Variants in AOPEP observed in about 807,000 individuals in gnomAD.
The protein encoded by AOPEP is aminopeptidase O (putative).
A neutral mutation model predicts 98.1 loss-of-function variants in AOPEP; 77 were observed. That is an observed-to-expected ratio of 0.78 (90% confidence interval 0.65 to 0.95). The LOEUF is 0.95. Ranked by LOEUF, AOPEP falls within the 40% of genes least tolerant of loss-of-function variation. AOPEP has a pLI of 0.00. For synonymous variants in AOPEP, 346 were observed against 365.3 expected, an observed-to-expected ratio of 0.95 and a Z score of 0.60; for missense variants, 1,024 against 1,024.7, an observed-to-expected ratio of 1.00 and a Z score of 0.01.
At chr9:94,963,194 T>C (rs2058971528) in intron 9 of AOPEP, among the ~76,000 whole-genome samples, 2 of 152,058 alleles carry the variant, frequency 1.3e-5, no homozygotes, top group African/African-American at 4.8e-5. Context: ...TCCCACCCCT[T>C]CCCCATGAAC....
chr9:94,829,178 C>G (rs868729480), intron 5 of AOPEP, among the ~76,000 whole-genome samples: 4 of 151,884 alleles, frequency 2.6e-5, no homozygotes, highest in Non-Finnish European at 5.9e-5. Flanking sequence ...CACTAAGTTT[C>G]AAGATATAAA....
chr9:94,834,803 TG>T (rs2041358910), intron 5 of AOPEP, among the ~76,000 whole-genome samples: 1 of 145,140 alleles, frequency 6.9e-6, no homozygotes, highest in Admixed American at 6.8e-5. Flanking sequence ...AATGCATGCA[TG>T]CATGCATGCA....
chr9:95,025,258 C>T (rs1002460213), intron 13 of AOPEP, among the ~76,000 whole-genome samples: 1 of 152,176 alleles, frequency 6.6e-6, no homozygotes, highest in East Asian at 1.9e-4. Flanking sequence ...CTTGTTCTTC[C>T]TTCTCCCGTG....
chr9:94,769,404 C>T (rs1385035465), intron 2 of AOPEP, among the ~76,000 whole-genome samples: 1 of 152,130 alleles, frequency 6.6e-6, no homozygotes, highest in Non-Finnish European at 1.5e-5. Context: ...AAGAGTGAGC[C>T]TGCAGCTGAT....
At chr9:95,117,723 ATTTTTTT>A in the AOPEP span, among the ~76,000 whole-genome samples, 3 of 136,822 alleles carry the variant, frequency 2.2e-5, no homozygotes, top group Non-Finnish European at 4.7e-5. Context: ...GTATTTCAGC[ATTTTTTT>A]TTTTTTTTTT....
intron 13 of AOPEP, among the ~76,000 whole-genome samples, chr9:95,059,407 G>A (rs2067120883): frequency 6.6e-6 from 1 of 152,152 alleles, no homozygotes; most frequent in African/African-American, 2.4e-5. Flanking sequence ...TTAGAACTTA[G>A]AAGAGTGAGG....
the AOPEP span, among the ~76,000 whole-genome samples, chr9:95,119,954 C>T: frequency 1.3e-5 from 2 of 152,014 alleles, no homozygotes; most frequent in South Asian, 4.2e-4. Flanking sequence ...TCAAGAGATC[C>T]TCCTGCCTTG....
At chr9:94,815,762 C>T (rs1182441542) in intron 5 of AOPEP, among the ~76,000 whole-genome samples, 2 of 152,078 alleles carry the variant, frequency 1.3e-5, no homozygotes, top group Non-Finnish European at 1.5e-5. Context: ...TCTGGATGAC[C>T]CTGAGGTTGC....
chr9:94,760,663 G>A, intron 2 of AOPEP, 83 bp downstream of exon 2: 2 of 1,112,414 alleles, frequency 1.8e-6, no homozygotes, highest in Admixed American at 2.8e-5. Flanking sequence ...GACCGGCTCT[G>A]CAGAGATGCT....
At chr9:95,092,047 T>G (rs2070874205), downstream of AOPEP, among the ~76,000 whole-genome samples, 1 of 137,972 alleles carries the variant, frequency 7.2e-6, no homozygotes, top group African/African-American at 2.9e-5. Context: ...ACCAAAAGCC[T>G]GTTGAAGGCT....
chr9:94,898,411 G>C (rs900357397), intron 5 of AOPEP, among the ~76,000 whole-genome samples: 1 of 151,528 alleles, frequency 6.6e-6, no homozygotes, highest in African/African-American at 2.4e-5. Context: ...CTGAGGTCAG[G>C]AGTTCGAGAC....
intron 6 of AOPEP, 52 bp from the exon 7 acceptor site, chr9:94,928,373 C>A (rs1036573869): frequency 7.5e-7 from 1 of 1,340,052 alleles, no homozygotes; most frequent in Non-Finnish European, 1.0e-6. Context: ...ACCAGGACCA[C>A]AACAGTGACT....
intron 11 of AOPEP, among the ~76,000 whole-genome samples, chr9:94,994,629 G>T (rs1183217027): frequency 1.3e-5 from 2 of 152,168 alleles, no homozygotes; most frequent in African/African-American, 4.8e-5. Context: ...ACCTGACCAT[G>T]GTGGTATCTT....
chr9:95,083,760 A>G (rs939729693), intron 16 of AOPEP, among the ~76,000 whole-genome samples: 2 of 152,252 alleles, frequency 1.3e-5, no homozygotes, highest in African/African-American at 4.8e-5. Context: ...CGGCGCACAC[A>G]GCACACGTGG....
chr9:94,949,535 G>A lies in AOPEP; in HGVS notation c.1662-5642G>A, dbSNP rs547151749. On this transcript the variant is annotated intron_variant, in intron 7 of 16. Transcript: ENST00000375315. The stretch of plus-strand genomic sequence containing the variant: ...GCAATTGCCTTTTTCAACACCAGAG[G>A]AATATCTTTCTGTGTCTGCTGCAGG... Among the ~76,000 whole-genome samples the A allele has an allele frequency of 3.3e-5, 5 of 152,238 alleles. No individual in the cohort carries two copies. The South Asian group carries it at 1.0e-3, about 32-fold the overall frequency.
rs751658854 is a variant in AOPEP at position 94,992,458 on chromosome 9, A to AGCG, written c.1978-12699_1978-12697dup. ...CAGTTTGGTGCATAACATGCAAGACAGCGTTACTTTAAAGTTAATCAGCAA... is the reference window on the plus strand; with the variant it reads ...CAGTTTGGTGCATAACATGCAAGACAGCGGCGTTACTTTAAAGTTAATCAGCAA... On this transcript the variant is annotated intron_variant, in intron 11 of 16. Transcript: ENST00000375315. Among the ~76,000 whole-genome samples the AGCG allele has an allele frequency of 2.6e-5, 4 of 152,368 alleles. No individual in the cohort carries two copies. In the East Asian group the frequency reaches 5.8e-4, roughly 22 times the overall value.
At chr9:94,922,402 T>G (rs898225644) in intron 5 of AOPEP, among the ~76,000 whole-genome samples, 2 of 152,256 alleles carry the variant, frequency 1.3e-5, no homozygotes, top group African/African-American at 4.8e-5. Flanking sequence ...AGCCTGTTTA[T>G]AAGGCCTGAA....
At position 94,760,454 on chromosome 9, in the gene AOPEP, C is replaced by T. The variant is rs910947056; in HGVS notation, c.671C>T (p.Thr224Ile). The change falls in exon 2 of 17, where the codon ACT becomes ATT. Residue 224 changes from threonine to isoleucine, a missense_variant. Around this residue, in one of 3 missense-constraint regions of AOPEP, gnomAD observed 440 missense variants for 433.8 expected, o/e 1.01. Transcript: ENST00000375315. ...GGGGAACTCCTCTTTGACACTGACA[C>T]TTGGAGCTTGCAGATAAGGAAGACA... ...GCGELLFDTDTWSLQIRKTGA... is the reference protein window; with the variant it reads ...GCGELLFDTDIWSLQIRKTGA... 10 of 1,613,588 alleles carry T rather than the reference C, an allele frequency of 6.2e-6. No individual in the cohort carries two copies. The highest frequency in any genetic ancestry group is 1.3e-5 in the African/African-American group (1 of 74,904).
chr9:94,838,292 G>A (rs1455511289), intron 5 of AOPEP, among the ~76,000 whole-genome samples: 1 of 152,182 alleles, frequency 6.6e-6, no homozygotes, highest in Non-Finnish European at 1.5e-5. Flanking sequence ...ACAGGCGTGA[G>A]CCACTGTGCC....
Sources: allele counts gnomAD v4.1 joint callset (sites outside exome capture counted in the v4.1 genomes callset), GRCh38; gene constraint gnomAD v4.1.1; regional missense constraint gnomAD v4.1.1; transcripts MANE v1.5; gene names NCBI Gene and HGNC (gene_info 2026-07-23, HGNC 2026-07-21).